Variants in ZNF813 observed in about 807,000 individuals in gnomAD.
ZNF813 encodes the protein zinc finger protein 813.
ZNF813 carries 3 observed loss-of-function variants against 7.2 expected under a neutral mutation model. The observed-to-expected ratio is 0.42, with a 90% CI of 0.19 to 1.08. The LOEUF is 1.08. Among genes scored for constraint, ZNF813 ranks in the 50% least tolerant of loss-of-function variants. ZNF813 has a pLI of 0.30. For synonymous variants in ZNF813, 227 were observed against 256.3 expected, an observed-to-expected ratio of 0.89 and a Z score of 1.09; for missense variants, 714 against 753.3, an observed-to-expected ratio of 0.95 and a Z score of 0.61.
At chr19:53,472,611 C>CTTTTTTT (rs1166123869) in intron 1 of ZNF813, among the ~76,000 whole-genome samples, 1 of 128,410 alleles carries the variant, frequency 7.8e-6, no homozygotes, top group Non-Finnish European at 1.6e-5. Context: ...ACAAGTCTTT[C>CTTTTTTT]TTTTTTTTTT....
Position 53,491,482 on chromosome 19 carries a change from G to A in ZNF813, c.1250G>A (p.Gly417Asp). 13 of 1,614,106 alleles carry A rather than the reference G, an allele frequency of 8.1e-6. No homozygotes were observed. Among genetic ancestry groups the A allele is most frequent in the African/African-American group, 1.3e-5 (1 of 75,044 alleles). ...GEKPYKCNECGKVFNKKANLA... is the reference protein window; with the variant it reads ...GEKPYKCNECDKVFNKKANLA... ...AAGCCTTACAAGTGTAATGAATGTG[G>A]CAAGGTTTTTAATAAAAAGGCAAAC... The change falls in exon 4 of 4, where the codon GGC (glycine) becomes GAC (aspartate). Residue 417 changes from glycine to aspartate, a missense_variant. Coordinates refer to ENST00000396403, the MANE Select transcript of ZNF813 (RefSeq NM_001004301.4).
chr19:53,476,698 C>T (rs1325333209), intron 1 of ZNF813, among the ~76,000 whole-genome samples: 4 of 151,810 alleles, frequency 2.6e-5, no homozygotes, highest in Admixed American at 6.6e-5. Context: ...CTGTCGCCGA[C>T]GCTTAAGTGC....
At chr19:53,476,236 T>C (rs1228492812) in intron 1 of ZNF813, among the ~76,000 whole-genome samples, 1 of 152,156 alleles carries the variant, frequency 6.6e-6, no homozygotes, top group Non-Finnish European at 1.5e-5. Context: ...TCCTCTTAGA[T>C]TGGGGCCGGC....
intron 1 of ZNF813, among the ~76,000 whole-genome samples, chr19:53,471,224 T>A (rs111430788): frequency 5.4e-4 from 82 of 152,232 alleles, no homozygotes; most frequent in African/African-American, 1.9e-3. Context: ...GCCCTTGTCC[T>A]TTTTCCTGGC....
chr19:53,476,427 A>G (rs1280203126), intron 1 of ZNF813, among the ~76,000 whole-genome samples: 1 of 151,936 alleles, frequency 6.6e-6, no homozygotes, highest in Non-Finnish European at 1.5e-5. Context: ...TCAGGAGTCC[A>G]AGACCAGACC....
At chr19:53,486,607 T>C in intron 2 of ZNF813, 25 bp from the exon 3 acceptor site, 1 of 1,614,006 alleles carries the variant, frequency 6.2e-7, no homozygotes, top group South Asian at 1.1e-5. Flanking sequence ...CATAACAATT[T>C]CCTTAAAATG....
intron 1 of ZNF813, among the ~76,000 whole-genome samples, chr19:53,468,108 C>T (rs1264531127): frequency 6.6e-5 from 10 of 152,214 alleles, no homozygotes; most frequent in South Asian, 2.1e-4. Context: ...TGGATTCTCG[C>T]CCACTTCGGC....
rs1181066844 is a variant in ZNF813 at position 53,495,880 on chromosome 19, C to T, written c.*3794C>T. The T allele has an allele frequency of 2.9e-5, 7 of 244,410 alleles. No individual in the cohort carries two copies. The highest frequency in any genetic ancestry group is 1.1e-4 in the East Asian group (1 of 9,452). 15.1% of individuals were successfully genotyped at this position (244,410 alleles called of 1,614,324 possible). ...GTGGTGTGTACTTGACTCCCCTTCT[C>T]GCCAGATCTCACAGGACTTTCAGAT... On this transcript the variant is annotated 3_prime_UTR_variant, in exon 4 of 4. Coordinates refer to ENST00000396403, the MANE Select transcript of ZNF813 (RefSeq NM_001004301.4).
intron 2 of ZNF813, among the ~76,000 whole-genome samples, chr19:53,484,555 A>C (rs1243742245): frequency 6.6e-6 from 1 of 152,176 alleles, no homozygotes; most frequent in Non-Finnish European, 1.5e-5. Flanking sequence ...ATTATTATTA[A>C]ATTATGATAA....
intron 1 of ZNF813, among the ~76,000 whole-genome samples, chr19:53,480,434 A>AT (rs1234184939): frequency 5.3e-5 from 8 of 150,580 alleles, no homozygotes; most frequent in Admixed American, 1.3e-4. Context: ...AGCTCACATC[A>AT]TTTTTTTTCT....
In ZNF813 at chr19:53,492,471, T is replaced by G; in HGVS notation, c.*385T>G. ...CAGAGAAACCATAAAATTGTAAGAG[T>G]TCGTGACAAGGCTTTCGGGCATGAC... On this transcript the variant is annotated 3_prime_UTR_variant, in exon 4 of 4. Transcript: ENST00000396403. The G allele has an allele frequency of 2.4e-6, 1 of 423,062 alleles. No individual in the cohort carries two copies. Among genetic ancestry groups the G allele is most frequent in the Non-Finnish European group, 4.6e-6 (1 of 216,204 alleles). 26.2% of individuals were successfully genotyped at this position (423,062 alleles called of 1,614,324 possible).
At chr19:53,484,374 TAGA>T (rs1169272786) in intron 2 of ZNF813, among the ~76,000 whole-genome samples, 4 of 152,174 alleles carry the variant, frequency 2.6e-5, no homozygotes, top group Admixed American at 2.0e-4. Context: ...ACATGAATGA[TAGA>T]AGATGTTTTA....
chr19:53,485,240 C>G (rs767479630), intron 2 of ZNF813, among the ~76,000 whole-genome samples: 5 of 152,164 alleles, frequency 3.3e-5, no homozygotes, highest in Non-Finnish European at 5.9e-5. Flanking sequence ...TAGGATGGGG[C>G]ATTTCCTGTT....
In ZNF813 at chr19:53,491,021, A is replaced by G. The variant is rs772464538; in HGVS notation, c.789A>G (p.Arg263=). ...AGCGAAACCTAGTGTGCCATCGTAGATGTCACACTGGGGAGAAACCTTACA... is the reference window on the plus strand; with the variant it reads ...AGCGAAACCTAGTGTGCCATCGTAGGTGTCACACTGGGGAGAAACCTTACA... The part of the protein sequence containing the change: ...NRKRNLVCHR[R]CHTGEKPYRC... Residue 263 remains arginine, a synonymous_variant, in exon 4 of 4, where the codon AGA becomes AGG. Transcript: ENST00000396403. 1.7e-5 allele frequency: 28 copies of G among 1,614,090 alleles called. No individual in the cohort carries two copies. Among genetic ancestry groups the G allele is most frequent in the Non-Finnish European group, 2.1e-5 (25 of 1,180,028 alleles).
At position 53,483,702 on chromosome 19, in the gene ZNF813, G is replaced by A. The variant is rs1320043024; in HGVS notation, c.-73-48G>A. 1.9e-4 allele frequency: 302 copies of A among 1,553,380 alleles called. 2 individuals are homozygous for A. In the South Asian group the frequency reaches 3.3e-3, roughly 17 times the overall value. ...TGTATGTGTTGTTGTGTTACAGGGA[G>A]GGGATGTGTTGATTCTGAGCAATAA... On this transcript the variant is annotated intron_variant, in intron 1 of 3. Coordinates refer to ENST00000396403, the MANE Select transcript of ZNF813 (RefSeq NM_001004301.4).
chr19:53,495,340 C>G lies in ZNF813; in HGVS notation c.*3254C>G, dbSNP rs953550784. 1.3e-5 allele frequency: 2 copies of G among 152,038 alleles called. No individual in the cohort carries two copies. Among genetic ancestry groups the G allele is most frequent in the Admixed American group, 6.5e-5 (1 of 15,270 alleles). 9.4% of individuals were successfully genotyped at this position (152,038 alleles called of 1,614,324 possible). ...TCCCGGGTTCAAGTGATTCTCCTGTCTCTGCCTCCTTAGTAGCTGGGACTA... is the reference window on the plus strand; with the variant it reads ...TCCCGGGTTCAAGTGATTCTCCTGTGTCTGCCTCCTTAGTAGCTGGGACTA... On this transcript the variant is annotated 3_prime_UTR_variant, in exon 4 of 4. Transcript: ENST00000396403.
chr19:53,490,712 T>A lies in ZNF813; in HGVS notation c.480T>A (p.Ile160=). 1 of 1,614,150 alleles carries A rather than the reference T, an allele frequency of 6.2e-7. No individual in the cohort carries two copies. The highest frequency in any genetic ancestry group is 1.1e-5 in the South Asian group (1 of 91,074). ...ELHMFQTQGK[I]GNQVEKSIND... ...ACATGTTTCAGACCCAAGGGAAAAT[T>A]GGTAATCAAGTGGAGAAGTCTATCA... The change falls in exon 4 of 4, where the codon ATT becomes ATA. Residue 160 remains isoleucine (I), a synonymous_variant. Coordinates refer to ENST00000396403, the MANE Select transcript of ZNF813 (RefSeq NM_001004301.4).
intron 3 of ZNF813, chr19:53,488,347 C>G (rs1263476625): frequency 2.4e-6 from 1 of 413,288 alleles, no homozygotes; most frequent in Non-Finnish European, 4.8e-6. Context: ...TTTACCTTTA[C>G]TGGAGAACTT....
intron 3 of ZNF813, among the ~76,000 whole-genome samples, chr19:53,487,719 A>G (rs2086440690): frequency 6.7e-6 from 1 of 150,222 alleles, no homozygotes; most frequent in Admixed American, 6.7e-5. Context: ...AGTCGCTTGA[A>G]CCTGGGAGGT....
Sources: gnomAD v4.1 joint callset for allele counts (sites outside exome capture counted in the v4.1 genomes callset) on GRCh38, gnomAD v4.1.1 for gene constraint, MANE v1.5 for transcripts, NCBI Gene and HGNC (gene_info 2026-07-23, HGNC 2026-07-21) for gene names.